Variants in SYNE1 observed in about 807,000 individuals in gnomAD.
The protein encoded by SYNE1 is spectrin repeat containing nuclear envelope protein 1, also known as nesprin-1.
SYNE1 carries 616 observed loss-of-function variants against 1,111.0 expected under a neutral mutation model. The observed-to-expected ratio is 0.55, with a 90% CI of 0.52 to 0.59. The LOEUF is 0.59. SYNE1 is among the 20% of genes least tolerant of loss of function. SYNE1 has a pLI of 0.00. For synonymous variants in SYNE1, 3,855 were observed against 3,825.8 expected (o/e 1.01, Z -0.28); for missense variants, 10,006 against 10,417.0 (o/e 0.96, Z 1.72).
At chr6:152,625,572 T>C (rs963544480) in intron 3 of SYNE1, among the ~76,000 whole-genome samples, 2 of 152,206 alleles carry the variant, frequency 1.3e-5, no homozygotes, top group African/African-American at 2.4e-5. Context: ...TCAGGAGTTT[T>C]GTCTTCTGAA....
intron 132 of SYNE1, 156 bp from the exon 133 acceptor site, chr6:152,155,198 A>C: frequency 1.3e-6 from 1 of 785,502 alleles, no homozygotes; most frequent in Non-Finnish European, 2.1e-6. Context: ...CCAGAGAGCA[A>C]GAGAGACAAC....
intron 38 of SYNE1, among the ~76,000 whole-genome samples, chr6:152,427,006 TG>T (rs1338719534): frequency 7.2e-5 from 11 of 152,376 alleles, no homozygotes; most frequent in African/African-American, 2.2e-4. Flanking sequence ...AAATCTTTTT[TG>T]AGAAGCAATT....
In SYNE1 at chr6:152,367,387, A is replaced by G. The variant is rs760902337; in HGVS notation, c.9808-5T>C. The G allele has an allele frequency of 1.2e-6, 2 of 1,613,772 alleles. No homozygotes were observed. The highest frequency in any genetic ancestry group is 2.7e-5 in the African/African-American group (2 of 74,928). ...ATCCAGTCTTGACACTTTCTCCTGG[A>G]AATGACAGAAATGGTTTTCGAGCTG... is the stretch of plus-strand genomic sequence containing the variant. On this transcript the variant is annotated splice_polypyrimidine_tract_variant and splice_region_variant and intron_variant, in intron 61 of 145. Transcript: ENST00000367255.
At chr6:152,478,680 G>A (rs2098850473) in intron 14 of SYNE1, 1 of 152,290 alleles carries the variant, frequency 6.6e-6, no homozygotes. Context: ...GGATGGGGAG[G>A]AGGTGTGGAA....
Position 152,433,951 on chromosome 6 carries a change from A to G in SYNE1, c.4311-6T>C, listed in dbSNP as rs1400148413. 1 of 1,607,704 alleles carries G rather than the reference A, an allele frequency of 6.2e-7. No individual in the cohort carries two copies. Among genetic ancestry groups the G allele is most frequent in the Non-Finnish European group, 8.5e-7 (1 of 1,175,810 alleles). ...CCATTTCCATGGTTTTAATACTAAAATTAACCAAATTAAGTAAATAAAACT... is the reference window on the plus strand; with the variant it reads ...CCATTTCCATGGTTTTAATACTAAAGTTAACCAAATTAAGTAAATAAAACT... On this transcript the variant is annotated splice_polypyrimidine_tract_variant and splice_region_variant and intron_variant, in intron 33 of 145. Transcript: ENST00000367255.
intron 78 of SYNE1, among the ~76,000 whole-genome samples, chr6:152,329,507 A>G (rs2096189083): frequency 6.6e-6 from 1 of 152,272 alleles, no homozygotes; most frequent in South Asian, 2.1e-4. Flanking sequence ...AGCCTGGGCA[A>G]CAGAGCGAGA....
intron 52 of SYNE1, 94 bp downstream of exon 52, chr6:152,391,183 G>T: frequency 6.3e-7 from 1 of 1,576,514 alleles, no homozygotes; most frequent in Non-Finnish European, 8.7e-7. Flanking sequence ...TCATTTAGAG[G>T]CTTACAGAAC....
rs2099051828 is a variant in SYNE1, at chr6:152,505,315, G to A, written c.664C>T (p.Pro222Ser). ...AFHSVIHAIRPELVDLETVKG... is the reference protein window; with the variant it reads ...AFHSVIHAIRSELVDLETVKG... ...ACTGTCTCCAAGTCCACCAATTCCG[G>A]TCGAATGGCATGAATAACTGAATGA... The change falls in exon 9 of 146, where the codon CCG (proline) becomes TCG (serine). Residue 222 changes from proline to serine, a missense_variant. Pro to Ser is a moderately conservative substitution (Grantham distance 74). Coordinates refer to ENST00000367255, the MANE Select transcript of SYNE1 (RefSeq NM_182961.4). 1.9e-6 allele frequency: 3 copies of A among 1,613,996 alleles called. No homozygotes were observed. Among genetic ancestry groups the A allele is most frequent in the Non-Finnish European group, 2.5e-6 (3 of 1,179,982 alleles).
rs1734671542 is a variant in SYNE1, at chr6:152,133,388, T to C, written c.25889A>G (p.Glu8630Gly). ...AATAACATGGACTTTTTCTTTGGCT[T>C]CTAAACAGTCTGTTCCTTCAGCATT... is the stretch of plus-strand genomic sequence containing the variant. ...LVNAEGTDCL[E>G]AKEKVHVIGN... Residue 8630 changes from glutamate (E) to glycine (G), a missense_variant, in exon 143 of 146, where the codon GAA becomes GGA. Glu to Gly is a moderately conservative substitution (Grantham distance 98). This residue lies in a region of SYNE1 where 761 missense variants were observed against 795.5 expected (regional missense o/e 0.96). Transcript: ENST00000367255. 12 of 1,614,094 alleles carry C rather than the reference T, an allele frequency of 7.4e-6. No homozygotes were observed. The highest frequency in any genetic ancestry group is 1.3e-5 in the African/African-American group (1 of 74,936).
At position 152,544,147 on chromosome 6, in the gene SYNE1, G is replaced by A. The variant is rs565740059; in HGVS notation, c.68-4126C>T. Among the ~76,000 whole-genome samples the A allele has an allele frequency of 1.4e-4, 21 of 152,298 alleles. No individual in the cohort carries two copies. In the South Asian group the frequency reaches 2.7e-3, roughly 20 times the overall value. ...AATTCAGACCAATTGCAAAGGCATC[G>A]TAAAATGGATGAGATGACAGCAGCG... On this transcript the variant is annotated intron_variant, in intron 3 of 145. Transcript: ENST00000367255.
At chr6:152,354,208 C>A (rs1419082127) in intron 67 of SYNE1, among the ~76,000 whole-genome samples, 1 of 152,076 alleles carries the variant, frequency 6.6e-6, no homozygotes, top group East Asian at 1.9e-4. Context: ...TCCTATTGTA[C>A]CTAGATCAAT....
chr6:152,281,831 C>T lies in SYNE1; in HGVS notation c.18357G>A (p.Met6119Ile), dbSNP rs531148166. 1.9e-6 allele frequency: 3 copies of T among 1,614,176 alleles called. No homozygotes were observed. In the Admixed American group the frequency reaches 5.0e-5, roughly 27 times the overall value. Residue 6119 changes from methionine (M) to isoleucine (I), a missense_variant, in exon 97 of 146, where the codon ATG (methionine) becomes ATA (isoleucine). Met to Ile is a conservative substitution (Grantham distance 10). This residue lies in a region of SYNE1 where 99 missense variants were observed against 147.8 expected (regional missense o/e 0.67). Transcript: ENST00000367255. Reference sequence around the variant, plus strand: ...CCTGGCAGTCCATAAGCTGGGCCTCCATGTCCATGGGCTCCTTGGGTGGAC... The same window carrying T: ...CCTGGCAGTCCATAAGCTGGGCCTCTATGTCCATGGGCTCCTTGGGTGGAC... Reference protein sequence around the residue: ...ALSPPKEPMDMEAQLMDCQNM... With the variant: ...ALSPPKEPMDIEAQLMDCQNM...
At chr6:152,456,738 C>T (rs1458592381) in intron 22 of SYNE1, 1 of 450,652 alleles carries the variant, frequency 2.2e-6, no homozygotes, top group Non-Finnish European at 4.4e-6. Context: ...AATCATTGAG[C>T]CCAGCACAAG....
Position 152,330,763 on chromosome 6 carries a change from AG to A in SYNE1, c.13921del (p.Leu4641SerfsTer5). The A allele has an allele frequency of 6.2e-7, 1 of 1,613,960 alleles. No homozygotes were observed. On this transcript the variant is annotated frameshift_variant, in exon 78 of 146. Coordinates refer to ENST00000367255, the MANE Select transcript of SYNE1 (RefSeq NM_182961.4). LOFTEE classifies it high-confidence loss of function. ...PSLNEVDHSY[L>X]SEKLNALPRQ... Reference sequence around the variant, plus strand: ...AGGCAAAGCATTTAGCTTTTCACTGAGGTAGGAATGATCGACTTCATTCAGC... The same window carrying A: ...AGGCAAAGCATTTAGCTTTTCACTGAGTAGGAATGATCGACTTCATTCAGC...
At chr6:152,486,617 C>A (rs2098942083) in intron 12 of SYNE1, among the ~76,000 whole-genome samples, 1 of 152,178 alleles carries the variant, frequency 6.6e-6, no homozygotes, top group South Asian at 2.1e-4. Context: ...CAATTCTTTT[C>A]TCCATTTACT....
chr6:152,409,420 G>A, intron 43 of SYNE1, 139 bp downstream of exon 43: 2 of 1,259,848 alleles, frequency 1.6e-6, no homozygotes, highest in South Asian at 1.3e-5. Context: ...AGCATTCCTA[G>A]GGGAAAAAAA....
intron 130 of SYNE1, among the ~76,000 whole-genome samples, chr6:152,169,454 C>T (rs1156568377): frequency 1.4e-5 from 2 of 145,098 alleles, no homozygotes; most frequent in African/African-American, 5.1e-5. Flanking sequence ...CCCAGCTACT[C>T]GGGAGGCTGA....
chr6:152,300,899 G>C, intron 92 of SYNE1, 118 bp from the exon 93 acceptor site: 1 of 1,390,202 alleles, frequency 7.2e-7, no homozygotes, highest in South Asian at 1.2e-5. Context: ...AAATTACTGG[G>C]ACCCGAATTC....
At chr6:152,276,774 G>T (rs941461147) in intron 98 of SYNE1, among the ~76,000 whole-genome samples, 1 of 151,676 alleles carries the variant, frequency 6.6e-6, no homozygotes, top group Admixed American at 6.6e-5. Context: ...AGGAGCAGAT[G>T]ATACCATCAG....
Sources: gnomAD v4.1 joint callset for allele counts (sites outside exome capture counted in the v4.1 genomes callset) on GRCh38, gnomAD v4.1.1 for gene constraint, gnomAD v4.1.1 regional missense constraint, MANE v1.5 for transcripts, NCBI Gene and HGNC (gene_info 2026-07-23, HGNC 2026-07-21) for gene names.